ZFPM2: variants seen among roughly 807,000 people sequenced by gnomAD.
ZFPM2 encodes zinc finger protein, FOG family member 2.
A neutral mutation model predicts 98.6 loss-of-function variants in ZFPM2; 20 were observed. The ratio of observed to expected loss-of-function variants is 0.20; its 90% confidence interval spans 0.14 to 0.29. The LOEUF (loss-of-function observed/expected upper bound fraction) is 0.29. Among genes scored for constraint, ZFPM2 ranks in the 10% least tolerant of loss-of-function variants. The pLI, the probability that ZFPM2 is intolerant of heterozygous loss-of-function variation, is 1.00. For missense variants in ZFPM2, 1,310 were observed against 1,388.6 expected, an observed-to-expected ratio of 0.94 and a Z score of 0.90; for synonymous variants, 518 against 502.7, an observed-to-expected ratio of 1.03 and a Z score of -0.41.
At chr8:105,439,754 T>G (rs1294201013) in intron 2 of ZFPM2, among the ~76,000 whole-genome samples, 1 of 152,182 alleles carries the variant, frequency 6.6e-6, no homozygotes, top group Non-Finnish European at 1.5e-5. Context: ...GAAAAGTGCT[T>G]GGAAGGAGTG....
chr8:105,489,864 A>G (rs1245047834), intron 3 of ZFPM2, among the ~76,000 whole-genome samples: 1 of 152,190 alleles, frequency 6.6e-6, no homozygotes, highest in Non-Finnish European at 1.5e-5. Context: ...TTTCAAAACA[A>G]ATCAAGCTTC....
At chr8:105,528,617 G>A (rs1013266130) in intron 3 of ZFPM2, among the ~76,000 whole-genome samples, 18 of 152,118 alleles carry the variant, frequency 1.2e-4, no homozygotes, top group Non-Finnish European at 1.5e-4. Flanking sequence ...TGGAGAGATC[G>A]TGTACAAATT....
intron 1 of ZFPM2, among the ~76,000 whole-genome samples, chr8:105,382,113 A>G (rs1810901135): frequency 1.3e-5 from 2 of 152,140 alleles, no homozygotes; most frequent in African/African-American, 4.8e-5. Flanking sequence ...TGAAATTTTT[A>G]TAATATTATA....
At chr8:105,381,239 C>G (rs1288133385) in intron 1 of ZFPM2, among the ~76,000 whole-genome samples, 1 of 151,566 alleles carries the variant, frequency 6.6e-6, no homozygotes, top group Non-Finnish European at 1.5e-5. Flanking sequence ...ATCCTTGTCC[C>G]TGGATGAAGG....
intron 2 of ZFPM2, among the ~76,000 whole-genome samples, chr8:105,425,333 G>A (rs930596283): frequency 6.6e-5 from 10 of 152,204 alleles, no homozygotes; most frequent in African/African-American, 2.4e-4. Context: ...CAGGTAAAAT[G>A]GGGAAGCTGT....
intron 2 of ZFPM2, among the ~76,000 whole-genome samples, chr8:105,439,104 A>G (rs75715087): frequency 0.016 from 2,458 of 152,320 alleles, 60 homozygotes; most frequent in African/African-American, 0.056. Flanking sequence ...GCATAGCACC[A>G]TATATTTCCA....
chr8:105,425,624 T>C (rs1478338120), intron 2 of ZFPM2, among the ~76,000 whole-genome samples: 1 of 152,312 alleles, frequency 6.6e-6, no homozygotes, highest in South Asian at 2.1e-4. Flanking sequence ...CATTGAAATG[T>C]TTCCCCCCTC....
chr8:105,617,013 C>T (rs1586152427), intron 4 of ZFPM2, among the ~76,000 whole-genome samples: 1 of 72,958 alleles, frequency 1.4e-5, no homozygotes, highest in Admixed American at 2.3e-4. Context: ...GAGCAAGACT[C>T]TGTCTCGAAA....
At chr8:105,742,327 A>G (rs1286678703) in intron 5 of ZFPM2, among the ~76,000 whole-genome samples, 2 of 149,536 alleles carry the variant, frequency 1.3e-5, no homozygotes, top group South Asian at 2.2e-4. Flanking sequence ...GCACTGAACT[A>G]TGATCATACC....
At chr8:105,725,589 T>A (rs1306987077) in intron 5 of ZFPM2, among the ~76,000 whole-genome samples, 1 of 151,768 alleles carries the variant, frequency 6.6e-6, no homozygotes, top group Non-Finnish European at 1.5e-5. Flanking sequence ...TCAGGATGTA[T>A]GGTAACCTCA....
At chr8:105,748,350 G>T (rs896709491) in intron 5 of ZFPM2, among the ~76,000 whole-genome samples, 3 of 152,076 alleles carry the variant, frequency 2.0e-5, no homozygotes, top group African/African-American at 4.8e-5. Context: ...ATCTGAAAGA[G>T]AATACATATT....
rs1211830638 is a variant in ZFPM2 at position 105,547,566 on chromosome 8, A to G, written c.302-13797A>G. On this transcript the variant is annotated intron_variant, in intron 3 of 7. Transcript: ENST00000407775. ...TCAAAAAAAAAAAAAAAAAAAAAAA[A>G]AAAGAAATCAGAGTGTGTTTAAAGA... Among the ~76,000 whole-genome samples, 4 of 149,410 alleles carry G rather than the reference A, an allele frequency of 2.7e-5. No homozygotes were observed. In the South Asian group the frequency reaches 6.3e-4, roughly 24 times the overall value.
chr8:105,752,326 G>A (rs757266248), intron 5 of ZFPM2, among the ~76,000 whole-genome samples: 5 of 152,056 alleles, frequency 3.3e-5, no homozygotes, highest in African/African-American at 1.2e-4. Flanking sequence ...TCTGTGTTCC[G>A]TCGTCAAGAA....
rs35998713 is a variant in ZFPM2, at chr8:105,802,467, C to T, written c.2385C>T (p.Val795=). 2.5e-6 allele frequency: 4 copies of T among 1,613,416 alleles called. No individual in the cohort carries two copies. Among genetic ancestry groups the T allele is most frequent in the Admixed American group, 3.3e-5 (2 of 59,902 alleles). ...GATGTGATATCTTTCCAGGAATTGT[C>T]TCTAAACACTTGGAAACTTCTCTGA... is the stretch of plus-strand genomic sequence containing the variant. ...HPRCDIFPGI[V]SKHLETSLTI... is the part of the protein sequence containing the mutation. Residue 795 remains valine (V), a synonymous_variant, in exon 8 of 8, where the codon GTC becomes GTT. Coordinates refer to ENST00000407775, the MANE Select transcript of ZFPM2 (RefSeq NM_012082.4).
intron 6 of ZFPM2, among the ~76,000 whole-genome samples, chr8:105,792,590 G>A (rs1001104371): frequency 6.6e-6 from 1 of 152,304 alleles, no homozygotes; most frequent in South Asian, 2.1e-4. Context: ...TTCTGTAGAT[G>A]TCTATTAGGT....
intron 3 of ZFPM2, among the ~76,000 whole-genome samples, chr8:105,495,009 A>G (rs1449397189): frequency 1.3e-5 from 2 of 152,210 alleles, no homozygotes; most frequent in Admixed American, 1.3e-4. Flanking sequence ...TACTGTTTTA[A>G]AAACTATTTA....
At chr8:105,548,968 A>G (rs1814778542) in intron 3 of ZFPM2, among the ~76,000 whole-genome samples, 1 of 152,200 alleles carries the variant, frequency 6.6e-6, no homozygotes, top group Non-Finnish European at 1.5e-5. Context: ...ATATGATTTT[A>G]TGAACAAAAT....
At chr8:105,755,177 A>G (rs1812570257) in intron 5 of ZFPM2, among the ~76,000 whole-genome samples, 1 of 152,136 alleles carries the variant, frequency 6.6e-6, no homozygotes, top group Non-Finnish European at 1.5e-5. Flanking sequence ...AAGCATTGGA[A>G]AGACTTCATA....
intron 5 of ZFPM2, among the ~76,000 whole-genome samples, chr8:105,754,226 T>G (rs1812544414): frequency 6.6e-6 from 1 of 152,114 alleles, no homozygotes; most frequent in Admixed American, 6.6e-5. Flanking sequence ...TTATACACGA[T>G]GAGGGAGGTG....
Sources: gnomAD v4.1 joint callset for allele counts (sites outside exome capture counted in the v4.1 genomes callset) on GRCh38, gnomAD v4.1.1 for gene constraint, MANE v1.5 for transcripts, NCBI Gene and HGNC (gene_info 2026-07-23, HGNC 2026-07-21) for gene names.